Variants in CSF2RA observed in about 807,000 individuals in gnomAD.
CSF2RA encodes the protein colony stimulating factor 2 receptor subunit alpha.
CSF2RA carries 42 observed loss-of-function variants against 51.6 expected under a neutral mutation model. That is an observed-to-expected ratio of 0.81 (90% CI 0.64 to 1.05). The LOEUF is 1.05. Ranked by LOEUF, CSF2RA falls within the 50% of genes least tolerant of loss-of-function variation. The probability of loss-of-function intolerance (pLI) is 0.00; values close to 1 mark genes in which losing one functional copy is unlikely to be tolerated. For missense variants in CSF2RA, 530 were observed against 501.1 expected, an observed-to-expected ratio of 1.06 and a Z score of -0.55; for synonymous variants, 222 against 193.0, an observed-to-expected ratio of 1.15 and a Z score of -1.24.
At chrX:1,292,811 G>T (rs1382766903) in intron 7 of CSF2RA, among the ~76,000 whole-genome samples, 1 of 152,048 alleles carries the variant, frequency 6.6e-6, no homozygotes, top group Non-Finnish European at 1.5e-5. Flanking sequence ...TATCTCAACC[G>T]CGAGAGGACT....
rs773708923 is a variant in CSF2RA at position 1,282,707 on chromosome X, C to T, written c.4C>T (p.Leu2Phe). 1 of 1,612,524 alleles carries T rather than the reference C, an allele frequency of 6.2e-7. No homozygotes were observed. The highest frequency in any genetic ancestry group is 1.1e-5 in the South Asian group (1 of 91,046). The change falls in exon 3 of 13, where the codon CTT becomes TTT. Residue 2 changes from leucine (L) to phenylalanine (F), a missense_variant. Leu to Phe is a conservative substitution (Grantham distance 22). Transcript: ENST00000381529. ...TCCCTTCTCTCTGACCAGCACCATG[C>T]TTCTCCTGGTGACAAGCCTTCTGCT... M[L>F]LLVTSLLLCE... is the part of the protein sequence containing the mutation.
intron 2 of CSF2RA, among the ~76,000 whole-genome samples, chrX:1,278,340 CAA>C (rs1242405580): frequency 2.2e-5 from 3 of 133,794 alleles, no homozygotes; most frequent in Non-Finnish European, 3.2e-5. Context: ...CTCAAAAAAA[CAA>C]AAGATTTCAG....
intron 9 of CSF2RA, among the ~76,000 whole-genome samples, chrX:1,296,833 G>A (rs28587674): frequency 7.7e-4 from 2 of 2,588 alleles, no homozygotes; most frequent in Non-Finnish European, 1.4e-3. Flanking sequence ...CTCACGACCC[G>A]TACAGTCTCC....
rs151211176 is a variant in CSF2RA, at chrX:1,300,639, C to T, written c.946+13C>T. On this transcript the variant is annotated intron_variant, in intron 10 of 12. Coordinates refer to ENST00000381529, the MANE Select transcript of CSF2RA (RefSeq NM_172245.4). ...GCCATTGAATTTGGTAAGCGTTGGG[C>T]GGAGGTAAGGGATGTTTGTGCCGTC... The T allele has an allele frequency of 1.3e-4, 208 of 1,613,768 alleles. No individual in the cohort carries two copies. In the African/African-American group the frequency reaches 1.9e-3, roughly 15 times the overall value.
intron 10 of CSF2RA, among the ~76,000 whole-genome samples, chrX:1,301,969 T>C (rs1311096647): frequency 7.1e-6 from 1 of 140,848 alleles, no homozygotes; most frequent in African/African-American, 2.7e-5. Flanking sequence ...CAGGCTGGAG[T>C]GCAGTGGTGC....
At chrX:1,323,931 G>T in the CSF2RA span, among the ~76,000 whole-genome samples, 37 of 151,796 alleles carry the variant, frequency 2.4e-4, no homozygotes, top group African/African-American at 9.0e-4. Flanking sequence ...GGAGAATGGC[G>T]TGAACCCGGG....
chrX:1,305,776 AAGG>A (rs1302758067), intron 12 of CSF2RA: 26 of 1,551,094 alleles, frequency 1.7e-5, no homozygotes, highest in Non-Finnish European at 2.2e-5. Context: ...TGGTCAAGAA[AAGG>A]AGGAGAAGAC....
downstream of CSF2RA, among the ~76,000 whole-genome samples, chrX:1,311,595 G>A (rs1438687644): frequency 1.3e-5 from 2 of 151,716 alleles, no homozygotes; most frequent in African/African-American, 4.9e-5. Context: ...CACCATTCCC[G>A]GCTACTTTTT....
intron 2 of CSF2RA, among the ~76,000 whole-genome samples, chrX:1,276,185 GTT>G (rs1287364466): frequency 6.7e-6 from 1 of 150,160 alleles, no homozygotes; most frequent in Non-Finnish European, 1.5e-5. Flanking sequence ...TTGTTTGTTT[GTT>G]TGTTTGTTTG....
At chrX:1,315,766 AGATAATAG>A in the CSF2RA span, among the ~76,000 whole-genome samples, 5 of 133,692 alleles carry the variant, frequency 3.7e-5, no homozygotes, top group Non-Finnish European at 7.9e-5. Flanking sequence ...TAGATAAAAT[AGATAATAG>A]ATAGATAGAT....
chrX:1,287,354 A>C (rs28432341), intron 4 of CSF2RA, among the ~76,000 whole-genome samples: 141,475 of 143,290 alleles, frequency 0.99, 69,836 homozygotes, highest in Admixed American at 0.99. Flanking sequence ...GGGTTTCACC[A>C]TGTTGGCCAG....
chrX:1,301,224 A>T (rs28546843), intron 10 of CSF2RA, among the ~76,000 whole-genome samples: 2 of 145,382 alleles, frequency 1.4e-5, no homozygotes, highest in African/African-American at 5.1e-5. Context: ...CCAGCTACTC[A>T]GGAGGCTGAG....
chrX:1,268,860 A>G lies in CSF2RA; in HGVS notation c.-110A>G. 1 of 454,054 alleles carries G rather than the reference A, an allele frequency of 2.2e-6. No homozygotes were observed. The highest frequency in any genetic ancestry group is 7.0e-5 in the East Asian group (1 of 14,382). The allele number at this position is 454,054 out of a possible 1,614,324, so 28.1% of individuals were successfully genotyped here. ...AGAGAAGAAAAGCAGGTGGAAGGAG[A>G]GGAAGCGGATGCCGTGGGGGTAAGC... is the stretch of plus-strand genomic sequence containing the variant. On this transcript the variant is annotated 5_prime_UTR_variant, in exon 1 of 13. Coordinates refer to ENST00000381529, the MANE Select transcript of CSF2RA (RefSeq NM_172245.4).
intron 2 of CSF2RA, among the ~76,000 whole-genome samples, chrX:1,281,097 C>T (rs867967331): frequency 2.9e-5 from 1 of 34,256 alleles, no homozygotes; most frequent in Non-Finnish European, 5.8e-5. Context: ...CTCCTGCTCC[C>T]CTTCTCCTCC....
chrX:1,272,142 C>G (rs1167497190), intron 1 of CSF2RA, among the ~76,000 whole-genome samples: 1 of 151,696 alleles, frequency 6.6e-6, no homozygotes, highest in African/African-American at 2.4e-5. Context: ...TTAGTAGAGA[C>G]AGGGTTGTTC....
At chrX:1,280,094 G>T (rs2089702454) in intron 2 of CSF2RA, among the ~76,000 whole-genome samples, 1 of 152,038 alleles carries the variant, frequency 6.6e-6, no homozygotes, top group African/African-American at 2.4e-5. Context: ...CCGGCCGAGA[G>T]ACGCAATCTT....
chrX:1,298,570 TCC>T (rs2092140508), intron 9 of CSF2RA, among the ~76,000 whole-genome samples: 1 of 88,872 alleles, frequency 1.1e-5, no homozygotes, highest in Non-Finnish European at 2.2e-5. Context: ...AACCCTACAG[TCC>T]CCTACCCATG....
intron 1 of CSF2RA, 49 bp from the exon 2 acceptor site, chrX:1,274,706 T>A (rs1220688844): frequency 2.2e-6 from 1 of 452,450 alleles, no homozygotes; most frequent in East Asian, 7.1e-5. Context: ...CAGTTTCCAC[T>A]ATAACCTTTC....
chrX:1,316,629 C>T, the CSF2RA span, among the ~76,000 whole-genome samples: 3 of 152,232 alleles, frequency 2.0e-5, no homozygotes, highest in South Asian at 2.1e-4. Context: ...TGGAGACTCA[C>T]GTTCAGCCCC....
Sources: gnomAD v4.1 joint callset for allele counts (sites outside exome capture counted in the v4.1 genomes callset) on GRCh38, gnomAD v4.1.1 for gene constraint, MANE v1.5 for transcripts, NCBI Gene and HGNC (gene_info 2026-07-23, HGNC 2026-07-21) for gene names.